Variants in PCDHA11 observed in about 807,000 individuals in gnomAD.
The protein encoded by PCDHA11 is protocadherin alpha-11.
A neutral mutation model predicts 70.3 loss-of-function variants in PCDHA11; 61 were observed. That is an observed-to-expected ratio of 0.87 (90% confidence interval 0.71 to 1.07). The LOEUF (loss-of-function observed/expected upper bound fraction) is 1.07. Among genes scored for constraint, PCDHA11 ranks in the 50% least tolerant of loss-of-function variants. The pLI, the probability that PCDHA11 is intolerant of heterozygous loss-of-function variation, is 0.00. For missense variants in PCDHA11, 1,324 were observed against 1,237.5 expected (o/e 1.07, Z -1.05); for synonymous variants, 633 against 555.1 (o/e 1.14, Z -1.97).
intron 3 of PCDHA11, among the ~76,000 whole-genome samples, chr5:140,994,064 A>G (rs902624513): frequency 6.6e-6 from 1 of 152,142 alleles, no homozygotes; most frequent in African/African-American, 2.4e-5. Context: ...TATAAATCTA[A>G]TGGTGAAGGG....
At chr5:140,913,092 C>T (rs1293188459) in intron 1 of PCDHA11, among the ~76,000 whole-genome samples, 1 of 152,134 alleles carries the variant, frequency 6.6e-6, no homozygotes, top group Non-Finnish European at 1.5e-5. Flanking sequence ...CAGGATAATA[C>T]TGGCCTCATA....
chr5:140,871,699 C>A, intron 1 of PCDHA11: 1 of 891,286 alleles, frequency 1.1e-6, no homozygotes. Context: ...CTTCTTTAAC[C>A]AATAAATGTC....
At chr5:140,877,943 T>C in intron 1 of PCDHA11, 1 of 1,363,226 alleles carries the variant, frequency 7.3e-7, no homozygotes, top group Non-Finnish European at 9.6e-7. Context: ...TCCTTTAAAC[T>C]ATCGAATGTC....
intron 3 of PCDHA11, among the ~76,000 whole-genome samples, chr5:140,990,652 A>T (rs1023448596): frequency 1.3e-4 from 20 of 152,208 alleles, no homozygotes; most frequent in Admixed American, 1.3e-3. Flanking sequence ...GCCAGTATGA[A>T]TGATTTACAT....
At chr5:140,938,476 T>A (rs1393084209) in intron 1 of PCDHA11, among the ~76,000 whole-genome samples, 2 of 152,194 alleles carry the variant, frequency 1.3e-5, no homozygotes, top group African/African-American at 2.4e-5. Context: ...TTATGTTTTT[T>A]AAAAATCATG....
At chr5:140,965,880 A>G (rs1414604415) in intron 1 of PCDHA11, among the ~76,000 whole-genome samples, 1 of 152,190 alleles carries the variant, frequency 6.6e-6, no homozygotes, top group Non-Finnish European at 1.5e-5. Context: ...CTTGGCCGAG[A>G]GCAGAATTGA....
At chr5:140,891,818 C>T (rs1331998195) in intron 1 of PCDHA11, among the ~76,000 whole-genome samples, 1 of 152,118 alleles carries the variant, frequency 6.6e-6, no homozygotes, top group Non-Finnish European at 1.5e-5. Context: ...AATAAATTAA[C>T]GGCACTGTAA....
chr5:140,945,455 A>G (rs2093793181), intron 1 of PCDHA11, among the ~76,000 whole-genome samples: 1 of 152,192 alleles, frequency 6.6e-6, no homozygotes, highest in African/African-American at 2.4e-5. Flanking sequence ...AACTTCCCTA[A>G]AATTTGCATG....
intron 1 of PCDHA11, among the ~76,000 whole-genome samples, chr5:140,975,597 T>C (rs2096674133): frequency 6.6e-6 from 1 of 152,242 alleles, no homozygotes; most frequent in Non-Finnish European, 1.5e-5. Context: ...GAGGGCAATT[T>C]GTTGATGTCT....
At chr5:140,994,759 G>C (rs1193190612) in intron 3 of PCDHA11, among the ~76,000 whole-genome samples, 3 of 152,130 alleles carry the variant, frequency 2.0e-5, no homozygotes, top group African/African-American at 7.2e-5. Flanking sequence ...ATGTGGAGAG[G>C]AAGAGAATTC....
intron 1 of PCDHA11, among the ~76,000 whole-genome samples, chr5:140,954,973 G>T (rs781943510): frequency 7.9e-5 from 12 of 152,124 alleles, no homozygotes; most frequent in Non-Finnish European, 1.3e-4. Context: ...AAAGGGTCCA[G>T]TTTCAATTTT....
At chr5:140,970,332 G>A (rs1236073527) in intron 1 of PCDHA11, among the ~76,000 whole-genome samples, 12 of 152,138 alleles carry the variant, frequency 7.9e-5, no homozygotes, top group Admixed American at 2.6e-4. Flanking sequence ...TCCAAAGCAT[G>A]CATTCATTTT....
chr5:140,978,810 G>C, intron 1 of PCDHA11, 139 bp from the exon 2 acceptor site: 2 of 1,500,034 alleles, frequency 1.3e-6, no homozygotes, highest in Non-Finnish European at 1.8e-6. Flanking sequence ...TATCATCATA[G>C]AGTTACACAT....
chr5:140,875,133 A>G (rs1269514593), intron 1 of PCDHA11, among the ~76,000 whole-genome samples: 1 of 152,228 alleles, frequency 6.6e-6, no homozygotes, highest in Non-Finnish European at 1.5e-5. Context: ...CTAAACCCGC[A>G]TTTATAAATG....
At chr5:140,968,881 C>A in intron 1 of PCDHA11, 1 of 1,614,154 alleles carries the variant, frequency 6.2e-7, no homozygotes, top group Non-Finnish European at 8.5e-7. Context: ...CTGAAATTAC[C>A]CTTTATCTAA....
At chr5:140,927,540 C>T (rs1376391756) in intron 1 of PCDHA11, 6 of 1,614,136 alleles carry the variant, frequency 3.7e-6, no homozygotes, top group African/African-American at 2.7e-5. Flanking sequence ...GCTCAGGAGA[C>T]GCACAAGTCA....
At chr5:140,926,986 C>T (rs782199565) in intron 1 of PCDHA11, 1 of 1,610,712 alleles carries the variant, frequency 6.2e-7, no homozygotes, top group Non-Finnish European at 8.5e-7. Flanking sequence ...GGAGACGGAG[C>T]GGGGCGTAGC....
At chr5:140,873,835 A>G (rs917455135) in intron 1 of PCDHA11, among the ~76,000 whole-genome samples, 3 of 151,964 alleles carry the variant, frequency 2.0e-5, no homozygotes, top group Admixed American at 6.6e-5. Flanking sequence ...TAATTTTTGT[A>G]TTTTTAGTAG....
chr5:140,960,395 AG>A (rs562972971), intron 1 of PCDHA11, among the ~76,000 whole-genome samples: 1 of 152,150 alleles, frequency 6.6e-6, no homozygotes, highest in African/African-American at 2.4e-5. Context: ...TTAGGATGCA[AG>A]GGGGGGTGCC....
Sources: gnomAD v4.1 joint callset for allele counts (sites outside exome capture counted in the v4.1 genomes callset) on GRCh38, gnomAD v4.1.1 for gene constraint, MANE v1.5 for transcripts, NCBI Gene and HGNC (gene_info 2026-07-23, HGNC 2026-07-21) for gene names.